The following SAMD12 variants were observed in gnomAD, a reference collection of about 807,000 sequenced individuals.
The protein encoded by SAMD12 is sterile alpha motif domain-containing protein 12.
In SAMD12, 9 loss-of-function variants were observed where a neutral mutation model predicts 15.0. The observed-to-expected ratio is 0.60, with a 90% CI of 0.36 to 1.05. The LOEUF is 1.05. Ranked by LOEUF, SAMD12 falls within the 50% of genes least tolerant of loss-of-function variation. SAMD12 has a pLI of 0.01. For synonymous variants in SAMD12, 86 were observed against 90.1 expected (o/e 0.96, Z 0.25); for missense variants, 230 against 234.2 (o/e 0.98, Z 0.12).
chr8:118,320,306 G>A (rs1340288763), intron 4 of SAMD12, among the ~76,000 whole-genome samples: 3 of 152,094 alleles, frequency 2.0e-5, no homozygotes, highest in African/African-American at 7.2e-5. Flanking sequence ...TCACATGGAC[G>A]ACTCTAGAAA....
chr8:118,500,067 C>CTTTTTTTTTTTTTT (rs563321387), intron 2 of SAMD12, among the ~76,000 whole-genome samples: 1 of 72,572 alleles, frequency 1.4e-5, no homozygotes, highest in African/African-American at 5.7e-5. Flanking sequence ...TGAGTTTTGC[C>CTTTTTTTTTTTTTT]TTTTTTTTTT....
At chr8:118,388,060 G>T (rs942018460) in intron 3 of SAMD12, among the ~76,000 whole-genome samples, 1 of 152,172 alleles carries the variant, frequency 6.6e-6, no homozygotes, top group African/African-American at 2.4e-5. Context: ...CATAAGAGGG[G>T]CATTTAACCC....
chr8:118,254,642 C>A (rs1812892465), intron 4 of SAMD12, among the ~76,000 whole-genome samples: 1 of 152,048 alleles, frequency 6.6e-6, no homozygotes, highest in African/African-American at 2.4e-5. Context: ...TCATGAGAGT[C>A]CCTCTGCTTC....
chr8:118,598,728 ATTAAG>A (rs1029268968), intron 1 of SAMD12, among the ~76,000 whole-genome samples: 1 of 152,220 alleles, frequency 6.6e-6, no homozygotes, highest in African/African-American at 2.4e-5. Flanking sequence ...GCTCAAAGAG[ATTAAG>A]TTATTTACCC....
At chr8:118,193,306 A>C (rs948749013) in exon 5 of SAMD12, 1 of 152,220 alleles carries the variant, frequency 6.6e-6, no homozygotes, top group Non-Finnish European at 1.5e-5. Flanking sequence ...TTTCAAAAGA[A>C]TGCTCTCTGT....
At chr8:118,294,506 C>T (rs553056055) in intron 4 of SAMD12, among the ~76,000 whole-genome samples, 9 of 152,220 alleles carry the variant, frequency 5.9e-5, no homozygotes, top group Middle Eastern at 6.8e-3. Context: ...AGTTTTATGT[C>T]AGGGGGTCCA....
chr8:118,443,660 G>A (rs1207886283), intron 2 of SAMD12, among the ~76,000 whole-genome samples: 1 of 152,118 alleles, frequency 6.6e-6, no homozygotes, highest in Non-Finnish European at 1.5e-5. Context: ...ATTACTATTA[G>A]TTTGCCACAC....
Position 118,356,874 on chromosome 8 carries a change from TCTC to T in SAMD12, c.433+22683_433+22685del, listed in dbSNP as rs1177493642. 3.3e-5 allele frequency among the ~76,000 whole-genome samples: 5 copies of T among 152,258 alleles called. No homozygotes were observed. In the East Asian group the frequency reaches 9.6e-4, roughly 29 times the overall value. ...CCTGCACTCACTCTTAAAGCGCCCT[TCTC>T]CTCCCAAATGCAATCCAGTACCAAG... On this transcript the variant is annotated intron_variant, in intron 4 of 4. Coordinates refer to the SAMD12 transcript ENST00000409003.
intron 4 of SAMD12, among the ~76,000 whole-genome samples, chr8:118,319,878 A>G (rs578210383): frequency 6.6e-6 from 1 of 152,278 alleles, no homozygotes; most frequent in East Asian, 1.9e-4. Context: ...AAAGGTGAAA[A>G]TCTTCATTGG....
chr8:118,334,287 C>T (rs564851912), intron 4 of SAMD12, among the ~76,000 whole-genome samples: 3 of 152,210 alleles, frequency 2.0e-5, no homozygotes, highest in East Asian at 3.9e-4. Context: ...ACCTCAACAC[C>T]GTACCTGGCA....
intron 3 of SAMD12, among the ~76,000 whole-genome samples, chr8:118,417,085 T>G (rs1821734280): frequency 6.6e-6 from 1 of 151,840 alleles, no homozygotes; most frequent in Admixed American, 6.6e-5. Context: ...ATAGTTTTGT[T>G]TTTTGTTTTT....
At chr8:118,588,106 G>A (rs906552953) in intron 1 of SAMD12, among the ~76,000 whole-genome samples, 7 of 152,204 alleles carry the variant, frequency 4.6e-5, no homozygotes, top group Non-Finnish European at 1.0e-4. Context: ...CTGAAGACCT[G>A]AGGATGAAAC....
At chr8:118,134,177 A>G in the SAMD12 span, among the ~76,000 whole-genome samples, 8 of 152,232 alleles carry the variant, frequency 5.3e-5, no homozygotes, top group Non-Finnish European at 7.3e-5. Context: ...ATCTTCCCCA[A>G]TGAAATGGCA....
chr8:118,213,244 G>C (rs1415831279), intron 4 of SAMD12, among the ~76,000 whole-genome samples: 1 of 152,106 alleles, frequency 6.6e-6, no homozygotes, highest in African/African-American at 2.4e-5. Context: ...TTGAATCTGG[G>C]ACAGGCCTGA....
chr8:118,431,687 C>CCTGTGTGTGA (rs201201330), intron 3 of SAMD12, among the ~76,000 whole-genome samples: 2 of 147,376 alleles, frequency 1.4e-5, no homozygotes, highest in Non-Finnish European at 3.0e-5. Flanking sequence ...TTACCTTTGT[C>CCTGTGTGTGA]GTGTGTGTGT....
At chr8:118,570,464 G>A (rs186459732) in intron 2 of SAMD12, among the ~76,000 whole-genome samples, 1 of 152,056 alleles carries the variant, frequency 6.6e-6, no homozygotes, top group Admixed American at 6.6e-5. Context: ...TGTTGTATTT[G>A]GTTTTCTGTT....
chr8:118,251,050 G>C (rs1812808367), intron 4 of SAMD12, among the ~76,000 whole-genome samples: 1 of 152,130 alleles, frequency 6.6e-6, no homozygotes, highest in Non-Finnish European at 1.5e-5. Flanking sequence ...GCCCAAGGTT[G>C]CACAGCTTAA....
At chr8:118,547,809 G>C (rs1162717072) in intron 2 of SAMD12, among the ~76,000 whole-genome samples, 1 of 152,026 alleles carries the variant, frequency 6.6e-6, no homozygotes, top group African/African-American at 2.4e-5. Context: ...CTTGTCCTAA[G>C]AAATAACCAC....
At chr8:118,572,298 T>A (rs1053968298) in intron 2 of SAMD12, among the ~76,000 whole-genome samples, 1 of 152,206 alleles carries the variant, frequency 6.6e-6, no homozygotes, top group African/African-American at 2.4e-5. Context: ...ACTCCATAGG[T>A]GGAAGAGACT....
Sources: gnomAD v4.1 joint callset for allele counts (sites outside exome capture counted in the v4.1 genomes callset) on GRCh38, gnomAD v4.1.1 for gene constraint, MANE v1.5 for transcripts, NCBI Gene and HGNC (gene_info 2026-07-23, HGNC 2026-07-21) for gene names.